Variants in C9orf85 observed in about 807,000 individuals in gnomAD.
C9orf85 encodes chromosome 9 open reading frame 85.
In C9orf85, 16 loss-of-function variants were observed where a neutral mutation model predicts 14.9. That is an observed-to-expected ratio of 1.08 (90% CI 0.73 to 1.63). C9orf85 has a LOEUF of 1.63. Among genes scored for constraint, C9orf85 ranks in the 40% most tolerant of loss-of-function variants. The probability of loss-of-function intolerance (pLI) is 0.00; values close to 1 mark genes in which losing one functional copy is unlikely to be tolerated. For synonymous variants in C9orf85, 45 were observed against 56.8 expected, an observed-to-expected ratio of 0.79 and a Z score of 0.93; for missense variants, 172 against 186.1, an observed-to-expected ratio of 0.92 and a Z score of 0.44.
intron 2 of C9orf85, among the ~76,000 whole-genome samples, chr9:71,971,155 T>C (rs1007629706): frequency 6.6e-6 from 1 of 152,236 alleles, no homozygotes; most frequent in Non-Finnish European, 1.5e-5. Context: ...TGTATTGGTC[T>C]TGCACTTCTT....
chr9:71,914,614 C>T (rs984193817), intron 1 of C9orf85, among the ~76,000 whole-genome samples: 6 of 152,124 alleles, frequency 3.9e-5, no homozygotes, highest in African/African-American at 1.4e-4. Context: ...AGGTAAAGCA[C>T]TCATTCTCAA....
chr9:71,975,416 G>T (rs1158943303), downstream of C9orf85, among the ~76,000 whole-genome samples: 5 of 150,252 alleles, frequency 3.3e-5, no homozygotes, highest in African/African-American at 1.2e-4. Flanking sequence ...ACTACAGCCT[G>T]GGTGACAAGA....
intron 1 of C9orf85, among the ~76,000 whole-genome samples, chr9:71,927,577 A>G (rs1260296232): frequency 2.6e-5 from 4 of 152,194 alleles, no homozygotes; most frequent in African/African-American, 9.6e-5. Flanking sequence ...AAAAATCAGT[A>G]TTGCCATCAA....
chr9:71,946,772 C>T (rs35936724), intron 1 of C9orf85, among the ~76,000 whole-genome samples: 16,757 of 147,012 alleles, frequency 0.11, 1,066 homozygotes, highest in Middle Eastern at 0.15. Context: ...CCAGCCTGGG[C>T]GACAGAGTGA....
intron 1 of C9orf85, chr9:71,912,040 T>C: frequency 1.7e-6 from 1 of 591,442 alleles, no homozygotes; most frequent in Non-Finnish European, 3.0e-6. Flanking sequence ...AAATATTTGA[T>C]GGTCAGCACA....
At chr9:71,960,895 G>A (rs1335807597) in intron 2 of C9orf85, among the ~76,000 whole-genome samples, 1 of 148,788 alleles carries the variant, frequency 6.7e-6, no homozygotes, top group Non-Finnish European at 1.5e-5. Context: ...CACATTGGCC[G>A]TTTTTCAGTT....
chr9:71,968,759 A>G (rs1452926323), intron 2 of C9orf85, among the ~76,000 whole-genome samples: 1 of 152,194 alleles, frequency 6.6e-6, no homozygotes, highest in Non-Finnish European at 1.5e-5. Context: ...TGGCAAGAGT[A>G]CACCTGAACA....
rs369638454 is a variant in C9orf85, at chr9:71,919,919, G to A, written c.102+8083G>A. On this transcript the variant is annotated intron_variant, in intron 1 of 3. Coordinates refer to ENST00000334731, the MANE Select transcript of C9orf85 (RefSeq NM_182505.5). Reference sequence around the variant, plus strand: ...GGCTGGAGTGCAGCGGTGCAATCTCGGCTCACTGCAATCTCCACCTCCTGG... The same window carrying A: ...GGCTGGAGTGCAGCGGTGCAATCTCAGCTCACTGCAATCTCCACCTCCTGG... 9.5e-4 allele frequency among the ~76,000 whole-genome samples: 140 copies of A among 148,010 alleles called. 1 individual carries two copies. Among genetic ancestry groups the A allele is most frequent in the African/African-American group, 2.7e-3 (110 of 40,094 alleles).
intron 2 of C9orf85, among the ~76,000 whole-genome samples, chr9:71,952,581 T>G (rs982973445): frequency 2.6e-5 from 4 of 152,176 alleles, no homozygotes; most frequent in African/African-American, 9.7e-5. Flanking sequence ...TTAGCCAGGA[T>G]GGTCACCTCG....
intron 1 of C9orf85, among the ~76,000 whole-genome samples, chr9:71,945,198 A>C: frequency 6.6e-6 from 1 of 152,260 alleles, no homozygotes; most frequent in East Asian, 1.9e-4. Flanking sequence ...AATATAAGTA[A>C]TGCTTAGTAA....
At chr9:71,922,766 C>T (rs755612878) in intron 1 of C9orf85, among the ~76,000 whole-genome samples, 29 of 152,220 alleles carry the variant, frequency 1.9e-4, no homozygotes, top group Non-Finnish European at 3.8e-4. Context: ...TCATTGCCAC[C>T]TCAGAAGTCT....
intron 2 of C9orf85, among the ~76,000 whole-genome samples, chr9:71,962,001 C>T (rs1488965303): frequency 6.6e-6 from 1 of 151,910 alleles, no homozygotes; most frequent in East Asian, 1.9e-4. Flanking sequence ...CCTGTCACTA[C>T]AAAAAATAGA....
intron 1 of C9orf85, among the ~76,000 whole-genome samples, chr9:71,923,744 T>TA (rs898571624): frequency 2.6e-5 from 4 of 152,312 alleles, no homozygotes; most frequent in African/African-American, 9.6e-5. Flanking sequence ...CCAATGTCTG[T>TA]ACCCATATAT....
chr9:71,959,242 A>G (rs1822452826), intron 2 of C9orf85, among the ~76,000 whole-genome samples: 2 of 151,528 alleles, frequency 1.3e-5, no homozygotes, highest in South Asian at 4.2e-4. Flanking sequence ...GGTTCAAATG[A>G]TTCTCCTGCC....
intron 3 of C9orf85, among the ~76,000 whole-genome samples, chr9:71,980,178 T>C (rs1318420128): frequency 1.3e-5 from 2 of 152,056 alleles, no homozygotes; most frequent in Non-Finnish European, 2.9e-5. Context: ...CATGCCCGGC[T>C]AATTTTTGTA....
intron 1 of C9orf85, among the ~76,000 whole-genome samples, chr9:71,939,402 C>A (rs1008509413): frequency 2.0e-5 from 3 of 151,780 alleles, no homozygotes; most frequent in African/African-American, 7.3e-5. Flanking sequence ...AAATCATTAA[C>A]CAAATACTAG....
At chr9:71,976,013 A>G (rs930762683), downstream of C9orf85, among the ~76,000 whole-genome samples, 2 of 152,206 alleles carry the variant, frequency 1.3e-5, no homozygotes, top group Non-Finnish European at 2.9e-5. Flanking sequence ...CAGGAAAAAA[A>G]TTTAACAAAG....
At chr9:71,944,629 A>G (rs1822034018) in intron 1 of C9orf85, among the ~76,000 whole-genome samples, 2 of 152,082 alleles carry the variant, frequency 1.3e-5, no homozygotes, top group Non-Finnish European at 2.9e-5. Flanking sequence ...TTAGATTGTC[A>G]TTTCCTTCCC....
At chr9:71,966,122 C>T (rs926009985) in intron 2 of C9orf85, among the ~76,000 whole-genome samples, 7 of 152,184 alleles carry the variant, frequency 4.6e-5, no homozygotes, top group African/African-American at 1.7e-4. Flanking sequence ...CAAATGCTAA[C>T]CTGTAACCAA....
Sources: gnomAD v4.1 joint callset for allele counts (sites outside exome capture counted in the v4.1 genomes callset) on GRCh38, gnomAD v4.1.1 for gene constraint, MANE v1.5 for transcripts, NCBI Gene and HGNC (gene_info 2026-07-23, HGNC 2026-07-21) for gene names.